The following CAPZB variants were observed in gnomAD, a reference collection of about 807,000 sequenced individuals.
The protein encoded by CAPZB is F-actin-capping protein subunit beta.
A neutral mutation model predicts 38.1 loss-of-function variants in CAPZB; 2 were observed. The ratio of observed to expected loss-of-function variants is 0.05; its 90% confidence interval spans 0.02 to 0.17. The LOEUF (loss-of-function observed/expected upper bound fraction) is 0.17, where lower values mean the gene tolerates loss of function less well. Ranked by LOEUF, CAPZB falls within the 10% of genes least tolerant of loss-of-function variation. The pLI is 1.00. For synonymous variants in CAPZB, 107 were observed against 127.4 expected (o/e 0.84, Z 1.08); for missense variants, 161 against 334.2 (o/e 0.48, Z 4.04).
At chr1:19,375,162 T>G (rs7519565) in intron 4 of CAPZB, among the ~76,000 whole-genome samples, 2 of 152,088 alleles carry the variant, frequency 1.3e-5, no homozygotes, top group Non-Finnish European at 2.9e-5. Flanking sequence ...TGTACCACAA[T>G]GTACCAAGAT....
chr1:19,345,334 C>T, intron 6 of CAPZB, 82 bp from the exon 7 acceptor site: 1 of 1,116,922 alleles, frequency 9.0e-7, no homozygotes. Flanking sequence ...CCTCCACGGT[C>T]TGCAAAGAGC....
chr1:19,410,034 A>G (rs934456528), intron 2 of CAPZB, among the ~76,000 whole-genome samples: 1 of 152,250 alleles, frequency 6.6e-6, no homozygotes, highest in African/African-American at 2.4e-5. Flanking sequence ...TTATTGAACA[A>G]TTATTTTTCT....
At chr1:19,408,787 C>CCA (rs1260356622) in intron 2 of CAPZB, among the ~76,000 whole-genome samples, 3 of 152,214 alleles carry the variant, frequency 2.0e-5, no homozygotes, top group Non-Finnish European at 4.4e-5. Flanking sequence ...AGACTCAAAG[C>CCA]CACAGCCCAG....
rs35288971 is a variant in CAPZB, at chr1:19,460,574, C to CTTTTTTTTTTT, written c.3+24851_3+24861dup. ...ACAGGCGTGAGCCACTGTGCCCAGG[C>CTTTTTTTTTTT]TTTTTTTTTTTTTTTTTTTTTTTGT... On this transcript the variant is annotated intron_variant, in intron 1 of 8. Transcript: ENST00000264202. Among the ~76,000 whole-genome samples the CTTTTTTTTTTT allele has an allele frequency of 9.4e-3, 851 of 90,990 alleles. 2 individuals carry two copies. The highest frequency in any genetic ancestry group is 0.017 in the East Asian group (48 of 2,788). 59.7% of individuals were successfully genotyped at this position (90,990 alleles called of 152,430 possible). A position where few individuals can be genotyped will look rare whatever the true frequency, so the allele number is the denominator to read the frequency against.
chr1:19,434,628 A>C (rs1417131013), intron 1 of CAPZB, among the ~76,000 whole-genome samples: 2 of 151,996 alleles, frequency 1.3e-5, no homozygotes, highest in Non-Finnish European at 2.9e-5. Flanking sequence ...ATTTCAGAAA[A>C]CATAAGATTA....
intron 4 of CAPZB, among the ~76,000 whole-genome samples, chr1:19,372,351 A>G (rs922668600): frequency 6.6e-6 from 1 of 152,232 alleles, no homozygotes. Context: ...TCTGGCGCAG[A>G]TGGGAGTAAT....
At chr1:19,445,352 G>C (rs2094492614) in intron 1 of CAPZB, among the ~76,000 whole-genome samples, 1 of 140,694 alleles carries the variant, frequency 7.1e-6, no homozygotes, top group Non-Finnish European at 1.5e-5. Context: ...TCCATGAGGG[G>C]GAATTTTGAG....
rs71008151 is a variant in CAPZB, at chr1:19,366,283, A to AATAAATATATATATATAT, written c.330-8721_330-8720insATATATATATATATTTAT. 4.0e-3 allele frequency among the ~76,000 whole-genome samples: 244 copies of AATAAATATATATATATAT among 60,430 alleles called. 7 individuals carry two copies. The highest frequency in any genetic ancestry group is 6.1e-3 in the Non-Finnish European group (176 of 28,942). 39.6% of individuals were successfully genotyped at this position (60,430 alleles called of 152,430 possible). A position where few individuals can be genotyped will look rare whatever the true frequency, so the allele number is the denominator to read the frequency against. The stretch of plus-strand genomic sequence containing the variant: ...GCAACATAGTGAGACCGTGTCTTAA[A>AATAAATATATATATATAT]ATATATATATATATATATATATATA... On this transcript the variant is annotated intron_variant, in intron 4 of 8. Transcript: ENST00000264202.
At chr1:19,458,691 A>G (rs2094540991) in intron 1 of CAPZB, among the ~76,000 whole-genome samples, 1 of 152,240 alleles carries the variant, frequency 6.6e-6, no homozygotes, top group Non-Finnish European at 1.5e-5. Context: ...TGTTCACAGT[A>G]TCTGCCCCTG....
At chr1:19,354,287 C>A (rs1228756996) in intron 6 of CAPZB, among the ~76,000 whole-genome samples, 1 of 152,240 alleles carries the variant, frequency 6.6e-6, no homozygotes, top group East Asian at 1.9e-4. Flanking sequence ...TCTCCCAGAA[C>A]CCTTCGCCTC....
intron 4 of CAPZB, among the ~76,000 whole-genome samples, 166 bp downstream of exon 4, chr1:19,378,360 GAGGCTCCCAATTTT>G (rs1458388162): frequency 1.3e-5 from 2 of 152,168 alleles, no homozygotes; most frequent in African/African-American, 4.8e-5. Flanking sequence ...CCTGCTATGG[GAGGCTCCCAATTTT>G]AGTTAGGTGA....
At chr1:19,387,596 C>T (rs1314308932) in intron 2 of CAPZB, among the ~76,000 whole-genome samples, 5 of 152,224 alleles carry the variant, frequency 3.3e-5, no homozygotes, top group African/African-American at 1.2e-4. Context: ...AACCCATTCT[C>T]TCTGGTTGGA....
chr1:19,414,706 G>C (rs2094371743), intron 2 of CAPZB, among the ~76,000 whole-genome samples: 1 of 152,178 alleles, frequency 6.6e-6, no homozygotes, highest in Non-Finnish European at 1.5e-5. Flanking sequence ...ATACACCCCA[G>C]CTGAGACATT....
intron 1 of CAPZB, 56 bp downstream of exon 1, chr1:19,485,380 G>A (rs1389498033): frequency 1.7e-6 from 2 of 1,162,468 alleles, no homozygotes; most frequent in African/African-American, 3.2e-5. Context: ...CAGGGGGAGG[G>A]GGACGCGAGC....
rs550148045 is a variant in CAPZB, at chr1:19,393,563, C to T, written c.94-7937G>A. Among the ~76,000 whole-genome samples the T allele has an allele frequency of 3.3e-5, 5 of 152,350 alleles. No homozygotes were observed. The East Asian group carries it at 9.6e-4, about 29-fold the overall frequency. ...GAGGAATGAGAATCTCAATTTGAGA[C>T]TGACCCAGCTCTTCCAAAGACCAGG... is the stretch of plus-strand genomic sequence containing the variant. On this transcript the variant is annotated intron_variant, in intron 2 of 8. Transcript: ENST00000264202.
intron 6 of CAPZB, among the ~76,000 whole-genome samples, chr1:19,347,318 C>A (rs1391450693): frequency 1.3e-5 from 2 of 152,200 alleles, no homozygotes; most frequent in African/African-American, 2.4e-5. Flanking sequence ...GAGAGCACTT[C>A]TTTTCCTGTT....
rs11334966 is a variant in CAPZB at position 19,472,709 on chromosome 1, A to ATTTTTTTTT, written c.3+12718_3+12726dup. On this transcript the variant is annotated intron_variant, in intron 1 of 8. Coordinates refer to ENST00000264202, the MANE Select transcript of CAPZB (RefSeq NM_004930.5). ...TGCAACTACTGCGCTTTCATTCTTC[A>ATTTTTTTTT]TTTTTTTTTTTTTTTTTTTTTTTTT... 8.8e-4 allele frequency among the ~76,000 whole-genome samples: 54 copies of ATTTTTTTTT among 61,202 alleles called. 4 individuals carry two copies. The highest frequency in any genetic ancestry group is 3.5e-3 in the African/African-American group (50 of 14,442). The allele number at this position is 61,202 out of a possible 152,430, so 40.2% of individuals were successfully genotyped here.
chr1:19,368,809 G>C (rs542625990), intron 4 of CAPZB, among the ~76,000 whole-genome samples: 9 of 152,130 alleles, frequency 5.9e-5, no homozygotes, highest in Admixed American at 3.3e-4. Context: ...GAGATTACAG[G>C]TGTGAGCCAC....
At chr1:19,386,705 G>A (rs2094206139) in intron 2 of CAPZB, among the ~76,000 whole-genome samples, 1 of 152,224 alleles carries the variant, frequency 6.6e-6, no homozygotes, top group Non-Finnish European at 1.5e-5. Flanking sequence ...GCCTCCACGG[G>A]CTCCTCTGCT....
Sources: gnomAD v4.1 joint callset for allele counts (sites outside exome capture counted in the v4.1 genomes callset) on GRCh38, gnomAD v4.1.1 for gene constraint, MANE v1.5 for transcripts, NCBI Gene and HGNC (gene_info 2026-07-23, HGNC 2026-07-21) for gene names.